The following SPAG16 variants were observed in gnomAD, a reference collection of about 807,000 sequenced individuals.
The protein encoded by SPAG16 is sperm-associated antigen 16 protein.
A neutral mutation model predicts 80.4 loss-of-function variants in SPAG16; 86 were observed. That is an observed-to-expected ratio of 1.07 (90% CI 0.90 to 1.28). SPAG16 has a LOEUF of 1.28. Among genes scored for constraint, SPAG16 ranks in the 50% most tolerant of loss-of-function variants. The probability of loss-of-function intolerance (pLI) is 0.00; values close to 1 mark genes in which losing one functional copy is unlikely to be tolerated. For synonymous variants in SPAG16, 294 were observed against 265.9 expected (o/e 1.11, Z -1.03); for missense variants, 870 against 765.3 (o/e 1.14, Z -1.61).
intron 9 of SPAG16, among the ~76,000 whole-genome samples, chr2:213,412,452 AAAT>A (rs1313558646): frequency 2.0e-5 from 3 of 152,322 alleles, no homozygotes; most frequent in East Asian, 3.9e-4. Context: ...AAATTAAAAA[AAAT>A]AATAATTAGA....
In SPAG16 at chr2:213,488,946, G is replaced by A. The variant is rs1412235714; in HGVS notation, c.943-1017G>A. The stretch of plus-strand genomic sequence containing the variant: ...AAAAATTACCCGGGCGTGGTGGCAC[G>A]CGCCTGTAGTCCCAGCTACGCAGGA... On this transcript the variant is annotated intron_variant, in intron 9 of 15. Transcript: ENST00000331683. 1.3e-5 allele frequency among the ~76,000 whole-genome samples: 2 copies of A among 151,508 alleles called. 1 individual carries two copies. The highest frequency in any genetic ancestry group is 4.8e-5 in the African/African-American group (2 of 41,246).
intron 10 of SPAG16, among the ~76,000 whole-genome samples, chr2:213,860,357 ATATATATGTG>A (rs1236114353): frequency 2.8e-5 from 4 of 144,702 alleles, no homozygotes; most frequent in Non-Finnish European, 6.0e-5. Context: ...ATATATATAT[ATATATATGTG>A]TGTGTGTGTA....
chr2:213,543,185 T>C (rs1402930066), intron 10 of SPAG16, among the ~76,000 whole-genome samples: 3 of 152,098 alleles, frequency 2.0e-5, no homozygotes, highest in Non-Finnish European at 4.4e-5. Context: ...AAGAAATCGA[T>C]GAGCTAAAGA....
At chr2:213,778,755 A>G (rs1027787098) in intron 10 of SPAG16, among the ~76,000 whole-genome samples, 2 of 152,012 alleles carry the variant, frequency 1.3e-5, no homozygotes, top group African/African-American at 4.8e-5. Context: ...GGCCCCACTG[A>G]TCTATCTTCA....
At chr2:213,857,358 G>A (rs1343589705) in intron 10 of SPAG16, among the ~76,000 whole-genome samples, 1 of 152,098 alleles carries the variant, frequency 6.6e-6, no homozygotes, top group African/African-American at 2.4e-5. Context: ...TTCTTGTTAG[G>A]GGCTAATGCA....
intron 15 of SPAG16, among the ~76,000 whole-genome samples, chr2:214,293,943 C>G (rs1185441257): frequency 6.6e-6 from 1 of 152,198 alleles, no homozygotes; most frequent in Non-Finnish European, 1.5e-5. Context: ...ATATCTTAGT[C>G]CCACAACAGC....
intron 15 of SPAG16, among the ~76,000 whole-genome samples, chr2:214,310,330 T>G (rs1332268154): frequency 1.3e-5 from 2 of 152,202 alleles, no homozygotes; most frequent in Non-Finnish European, 2.9e-5. Context: ...ATAGCTTTTG[T>G]GTGGTGGCTT....
Position 214,124,213 on chromosome 2 carries a change from C to T in SPAG16, c.1593+15952C>T, listed in dbSNP as rs141567507. Among the ~76,000 whole-genome samples the T allele has an allele frequency of 1.6e-4, 25 of 151,610 alleles. No homozygotes were observed. In the East Asian group the frequency reaches 1.9e-3, roughly 12 times the overall value. The stretch of plus-strand genomic sequence containing the variant: ...GAAATTTAATATACTTTGCAGACTC[C>T]CCATGATTGTTTTGAGCATATGACT... On this transcript the variant is annotated intron_variant, in intron 14 of 15. Coordinates refer to ENST00000331683, the MANE Select transcript of SPAG16 (RefSeq NM_024532.5).
intron 15 of SPAG16, among the ~76,000 whole-genome samples, chr2:214,303,442 AG>A (rs1321194371): frequency 3.9e-5 from 6 of 152,222 alleles, no homozygotes; most frequent in African/African-American, 1.4e-4. Context: ...CTCCACAAAC[AG>A]TGCCCTTATT....
At chr2:213,868,609 T>C (rs1559537260) in intron 11 of SPAG16, among the ~76,000 whole-genome samples, 3 of 152,260 alleles carry the variant, frequency 2.0e-5, no homozygotes, top group Admixed American at 1.3e-4. Flanking sequence ...TCACCAGTGC[T>C]TGGAGTTGCA....
chr2:213,825,469 C>CA (rs2073219057), intron 10 of SPAG16, among the ~76,000 whole-genome samples: 1 of 152,004 alleles, frequency 6.6e-6, no homozygotes, highest in South Asian at 2.1e-4. Context: ...TTTTCAGCAT[C>CA]AATTGAAATG....
chr2:213,854,087 A>T (rs1326541085), intron 10 of SPAG16, among the ~76,000 whole-genome samples: 1 of 152,194 alleles, frequency 6.6e-6, no homozygotes, highest in Admixed American at 6.5e-5. Flanking sequence ...AAATTTCCTT[A>T]TATTAACTTG....
At chr2:214,057,876 T>G (rs1252476685) in intron 13 of SPAG16, among the ~76,000 whole-genome samples, 2 of 152,208 alleles carry the variant, frequency 1.3e-5, no homozygotes, top group Non-Finnish European at 2.9e-5. Flanking sequence ...CTTCTTTCCT[T>G]AAACTTCATG....
At chr2:214,230,813 G>A (rs970095178) in intron 15 of SPAG16, among the ~76,000 whole-genome samples, 1 of 151,826 alleles carries the variant, frequency 6.6e-6, no homozygotes, top group Non-Finnish European at 1.5e-5. Flanking sequence ...ATGAGGAGGG[G>A]TCATTACAGA....
In SPAG16 at chr2:214,319,225, A is replaced by ACACACACACACAC. The variant is rs1189650614; in HGVS notation, c.1721-90915_1721-90914insCACACACACACAC. On this transcript the variant is annotated intron_variant, in intron 15 of 15. Coordinates refer to ENST00000331683, the MANE Select transcript of SPAG16 (RefSeq NM_024532.5). ...CCACACACACACACACACACACACAAGAAGTGTAGAAAAGATCTGAAAGGT... is the reference window on the plus strand; with the variant it reads ...CCACACACACACACACACACACACAACACACACACACACGAAGTGTAGAAAAGATCTGAAAGGT... Among the ~76,000 whole-genome samples the ACACACACACACAC allele has an allele frequency of 9.7e-3, 196 of 20,198 alleles. 1 individual carries two copies. Among genetic ancestry groups the ACACACACACACAC allele is most frequent in the Middle Eastern group, 0.059 (2 of 34 alleles). 13.3% of individuals were successfully genotyped at this position (20,198 alleles called of 152,430 possible).
At chr2:213,374,230 A>C (rs553332613) in intron 8 of SPAG16, among the ~76,000 whole-genome samples, 1 of 152,306 alleles carries the variant, frequency 6.6e-6, no homozygotes, top group African/African-American at 2.4e-5. Context: ...CTGCCTTTAT[A>C]ATCTCAGGAT....
chr2:213,285,863 C>T (rs778043611), intron 1 of SPAG16: 3 of 1,286,848 alleles, frequency 2.3e-6, no homozygotes, highest in East Asian at 5.5e-5. Context: ...TCTTTAACAA[C>T]GATTTTCATA....
At chr2:214,260,688 T>A (rs1487642142) in intron 15 of SPAG16, among the ~76,000 whole-genome samples, 2 of 152,172 alleles carry the variant, frequency 1.3e-5, no homozygotes, top group Non-Finnish European at 2.9e-5. Flanking sequence ...AGATCTGTTA[T>A]CATGTTTCTA....
chr2:213,535,571 C>T (rs2076214680), intron 10 of SPAG16, among the ~76,000 whole-genome samples: 1 of 151,948 alleles, frequency 6.6e-6, no homozygotes, highest in South Asian at 2.1e-4. Context: ...GAAATCATAC[C>T]TTAAATGTAT....
Sources: gnomAD v4.1 joint callset for allele counts (sites outside exome capture counted in the v4.1 genomes callset) on GRCh38, gnomAD v4.1.1 for gene constraint, MANE v1.5 for transcripts, NCBI Gene and HGNC (gene_info 2026-07-23, HGNC 2026-07-21) for gene names.